The following PELI2 variants were observed in gnomAD, a reference collection of about 807,000 sequenced individuals.
PELI2 encodes the protein pellino E3 ubiquitin protein ligase family member 2, also known as E3 ubiquitin-protein ligase pellino homolog 2.
In PELI2, 23 loss-of-function variants were observed where a neutral mutation model predicts 42.3. The ratio of observed to expected loss-of-function variants is 0.54; its 90% CI spans 0.39 to 0.77. PELI2 has a LOEUF of 0.77. Ranked by LOEUF, PELI2 falls within the 30% of genes least tolerant of loss-of-function variation. The probability of loss-of-function intolerance (pLI) is 0.00; values close to 1 mark genes in which losing one functional copy is unlikely to be tolerated. For synonymous variants in PELI2, 245 were observed against 212.2 expected (o/e 1.15, Z -1.34); for missense variants, 463 against 553.2 (o/e 0.84, Z 1.64).
At chr14:56,261,687 A>T (rs1215984481) in intron 2 of PELI2, among the ~76,000 whole-genome samples, 2 of 152,198 alleles carry the variant, frequency 1.3e-5, no homozygotes, top group African/African-American at 2.4e-5. Flanking sequence ...TATTCACCTC[A>T]TGGTGGTTGT....
chr14:56,285,462 G>A (rs1295560764), intron 3 of PELI2, among the ~76,000 whole-genome samples: 1 of 152,090 alleles, frequency 6.6e-6, no homozygotes. Context: ...GGGTGTGCCG[G>A]TCTGAAGCTC....
chr14:56,268,361 G>A lies in PELI2; in HGVS notation c.208-11315G>A, dbSNP rs141865322. ...TTAAATATTTAGAGAAGTAAATGTA[G>A]GATGTCACAGCAGGTGATTCATATG... is the stretch of plus-strand genomic sequence containing the variant. On this transcript the variant is annotated intron_variant, in intron 2 of 5. Transcript: ENST00000267460. 1.6e-4 allele frequency among the ~76,000 whole-genome samples: 25 copies of A among 152,196 alleles called. 1 individual carries two copies. Among genetic ancestry groups the A allele is most frequent in the Middle Eastern group, 3.4e-3 (1 of 292 alleles).
rs2139919011 is a variant in PELI2 at position 56,299,946 on chromosome 14, T to C, written c.*2780T>C. 6.5e-6 allele frequency: 1 copy of C among 152,738 alleles called. No individual in the cohort carries two copies. The highest frequency in any genetic ancestry group is 2.1e-4 in the South Asian group (1 of 4,830). The allele number at this position is 152,738 out of a possible 1,614,324, so 9.5% of individuals were successfully genotyped here. A position where few individuals can be genotyped will look rare whatever the true frequency, so the allele number is the denominator to read the frequency against. The stretch of plus-strand genomic sequence containing the variant: ...GGATGGAGTACAACTCTGAGTATTT[T>C]TCTAGTCCGGAATTTTTTATTAATA... On this transcript the variant is annotated 3_prime_UTR_variant, in exon 6 of 6. Transcript: ENST00000267460.
At chr14:56,138,756 A>G (rs1368263808) in intron 1 of PELI2, among the ~76,000 whole-genome samples, 2 of 152,202 alleles carry the variant, frequency 1.3e-5, no homozygotes, top group African/African-American at 2.4e-5. Context: ...TAGTAAGCAC[A>G]TTGTTTTCGC....
intron 2 of PELI2, among the ~76,000 whole-genome samples, chr14:56,225,516 G>A (rs1290630375): frequency 1.3e-5 from 2 of 152,188 alleles, no homozygotes; most frequent in Non-Finnish European, 2.9e-5. Flanking sequence ...CCCACGTTGG[G>A]CTGAATGGAG....
At chr14:56,272,081 C>G (rs981531929) in intron 2 of PELI2, among the ~76,000 whole-genome samples, 2 of 152,036 alleles carry the variant, frequency 1.3e-5, no homozygotes, top group Non-Finnish European at 2.9e-5. Context: ...GAGGCAGAAA[C>G]AACCCTAATT....
intron 1 of PELI2, chr14:56,119,891 T>C (rs1481138133): frequency 2.0e-6 from 2 of 975,628 alleles, no homozygotes; most frequent in East Asian, 1.1e-4. Flanking sequence ...TGAGGAGTCA[T>C]GGCTGTGGGA....
chr14:56,263,923 T>G (rs1407865713), intron 2 of PELI2, among the ~76,000 whole-genome samples: 1 of 152,038 alleles, frequency 6.6e-6, no homozygotes, highest in Non-Finnish European at 1.5e-5. Flanking sequence ...GCTCAGAAAT[T>G]GAAAAAATTT....
At position 56,234,607 on chromosome 14, in the gene PELI2, G is replaced by A. The variant is rs546146501; in HGVS notation, c.208-45069G>A. Among the ~76,000 whole-genome samples the A allele has an allele frequency of 6.6e-5, 10 of 152,302 alleles. No individual in the cohort carries two copies. The East Asian group carries it at 1.7e-3, about 26-fold the overall frequency. On this transcript the variant is annotated intron_variant, in intron 2 of 5. Transcript: ENST00000267460. ...CGCACACCAGGGCCTGTGGTGGGTT[G>A]TGGGGAGGGGTGAGGGATAGCATTA...
At chr14:56,287,360 G>A (rs1158667992) in intron 3 of PELI2, among the ~76,000 whole-genome samples, 1 of 152,052 alleles carries the variant, frequency 6.6e-6, no homozygotes, top group Non-Finnish European at 1.5e-5. Context: ...TAATTTTCTT[G>A]TTAAAAAATG....
intron 2 of PELI2, among the ~76,000 whole-genome samples, chr14:56,257,651 T>C (rs1888570037): frequency 1.3e-5 from 2 of 152,180 alleles, no homozygotes; most frequent in African/African-American, 4.8e-5. Flanking sequence ...CTCTCCCTAC[T>C]GTAAACAACT....
chr14:56,243,832 C>T (rs531068767), intron 2 of PELI2, among the ~76,000 whole-genome samples: 2 of 152,028 alleles, frequency 1.3e-5, no homozygotes, highest in East Asian at 1.9e-4. Flanking sequence ...ATCCAGGGAC[C>T]AGTTAATCTT....
intron 1 of PELI2, among the ~76,000 whole-genome samples, chr14:56,167,702 C>T (rs560662891): frequency 6.6e-6 from 1 of 152,272 alleles, no homozygotes; most frequent in Admixed American, 6.5e-5. Flanking sequence ...TTGGTGAGGT[C>T]ATGTTTTCCT....
At chr14:56,215,954 A>G (rs1422009770) in intron 2 of PELI2, among the ~76,000 whole-genome samples, 1 of 152,226 alleles carries the variant, frequency 6.6e-6, no homozygotes, top group Non-Finnish European at 1.5e-5. Context: ...TATATATCAC[A>G]TTTAAGCTAA....
chr14:56,168,271 C>G (rs1435640466), intron 1 of PELI2, among the ~76,000 whole-genome samples: 1 of 152,196 alleles, frequency 6.6e-6, no homozygotes, highest in Non-Finnish European at 1.5e-5. Context: ...GTGCCCCCCC[C>G]CAGACCCTGG....
chr14:56,137,651 C>A (rs1349083319), intron 1 of PELI2, among the ~76,000 whole-genome samples: 2 of 152,188 alleles, frequency 1.3e-5, no homozygotes, highest in Non-Finnish European at 2.9e-5. Context: ...AAAACACTCA[C>A]ATTCGTGTGT....
At chr14:56,157,750 A>C (rs1468710264) in intron 1 of PELI2, among the ~76,000 whole-genome samples, 8 of 152,248 alleles carry the variant, frequency 5.3e-5, no homozygotes, top group Non-Finnish European at 1.2e-4. Context: ...ATATTCAAAA[A>C]GTTTAAAGTA....
intron 2 of PELI2, among the ~76,000 whole-genome samples, chr14:56,225,176 G>C (rs1258978697): frequency 6.6e-6 from 1 of 152,194 alleles, no homozygotes; most frequent in Non-Finnish European, 1.5e-5. Context: ...ACAGGGAAAC[G>C]ATGGGGCCCG....
chr14:56,258,814 A>C (rs1224088328), intron 2 of PELI2, among the ~76,000 whole-genome samples: 1 of 152,122 alleles, frequency 6.6e-6, no homozygotes, highest in African/African-American at 2.4e-5. Context: ...AAAAGGCCAA[A>C]ATTTTTCAAA....
Sources: gnomAD v4.1 joint callset for allele counts (sites outside exome capture counted in the v4.1 genomes callset) on GRCh38, gnomAD v4.1.1 for gene constraint, MANE v1.5 for transcripts, NCBI Gene and HGNC (gene_info 2026-07-23, HGNC 2026-07-21) for gene names.